The following ATP2C2 variants were observed in gnomAD, a reference collection of about 807,000 sequenced individuals.
ATP2C2 encodes the protein ATPase secretory pathway Ca2+ transporting 2.
Under a neutral mutation model 110.8 loss-of-function variants are expected in ATP2C2, and 171 were observed. The observed-to-expected ratio is 1.54, with a 90% CI of 1.36 to 1.75. The LOEUF is 1.75. ATP2C2 is among the 40% of genes most tolerant of loss of function. The pLI is 0.00. For missense variants in ATP2C2, 1,963 were observed against 1,235.0 expected (o/e 1.59, Z -8.84); for synonymous variants, 804 against 508.4 (o/e 1.58, Z -7.82).
rs370709927 is a variant in ATP2C2 at position 84,439,162 on chromosome 16, C to G, written c.987-4C>G. ...GAGGGGACTCATTTGACCTTTCGAT[C>G]CAGCCTGGCTGTGGCGGCCATTCCA... On this transcript the variant is annotated splice_region_variant and splice_polypyrimidine_tract_variant and intron_variant, in intron 11 of 26. Coordinates refer to ENST00000262429, the MANE Select transcript of ATP2C2 (RefSeq NM_014861.4). 6 of 1,612,044 alleles carry G rather than the reference C, an allele frequency of 3.7e-6. No individual in the cohort carries two copies. The highest frequency in any genetic ancestry group is 3.3e-5 in the South Asian group (3 of 90,968).
chr16:84,433,096 T>C (rs1399684886), intron 11 of ATP2C2, among the ~76,000 whole-genome samples: 2 of 152,060 alleles, frequency 1.3e-5, no homozygotes, highest in African/African-American at 4.8e-5. Flanking sequence ...CTTCCCCAAG[T>C]AGGCTGGGCA....
intron 20 of ATP2C2, 66 bp from the exon 21 acceptor site, chr16:84,454,752 G>A (rs1331219322): frequency 1.4e-6 from 2 of 1,480,914 alleles, no homozygotes; most frequent in East Asian, 2.4e-5. Context: ...GCCACAGGGT[G>A]TGCATGGCCG....
At chr16:84,439,903 C>G (rs74897177) in intron 13 of ATP2C2, among the ~76,000 whole-genome samples, 4 of 152,198 alleles carry the variant, frequency 2.6e-5, no homozygotes, top group Non-Finnish European at 4.4e-5. Flanking sequence ...TGGCTGATCT[C>G]TGCTCACTGT....
At chr16:84,376,862 T>C (rs1053010974) in intron 1 of ATP2C2, among the ~76,000 whole-genome samples, 1 of 152,216 alleles carries the variant, frequency 6.6e-6, no homozygotes, top group African/African-American at 2.4e-5. Context: ...CTCTGTGCAA[T>C]TGCACTGGCC....
chr16:84,448,434 C>G (rs1909956849), intron 16 of ATP2C2, 99 bp from the exon 17 acceptor site: 14 of 1,401,372 alleles, frequency 1.0e-5, no homozygotes, highest in Non-Finnish European at 9.7e-7. Context: ...TGCAAAGATC[C>G]CCGTGTGTGT....
intron 15 of ATP2C2, among the ~76,000 whole-genome samples, chr16:84,443,361 G>A (rs944321598): frequency 1.3e-5 from 2 of 152,162 alleles, no homozygotes; most frequent in Non-Finnish European, 2.9e-5. Flanking sequence ...CCTGGACACT[G>A]TGGGAGCTCC....
intron 15 of ATP2C2, among the ~76,000 whole-genome samples, chr16:84,443,518 C>G (rs1275072159): frequency 6.6e-6 from 1 of 152,214 alleles, no homozygotes; most frequent in Non-Finnish European, 1.5e-5. Flanking sequence ...CGAGCCTGGC[C>G]CCTGCACTCA....
chr16:84,442,500 C>G lies in ATP2C2; in HGVS notation c.1312-10C>G, dbSNP rs1014919852. On this transcript the variant is annotated splice_polypyrimidine_tract_variant and intron_variant, in intron 14 of 26. Coordinates refer to ENST00000262429, the MANE Select transcript of ATP2C2 (RefSeq NM_014861.4). ...TACTAACTACAGATGTCCGGACAAT[C>G]CCCTTTTAGGCGGGCTGTGTTGCCA... 6.2e-7 allele frequency: 1 copy of G among 1,613,824 alleles called. No individual in the cohort carries two copies. The highest frequency in any genetic ancestry group is 8.5e-7 in the Non-Finnish European group (1 of 1,179,766).
intron 6 of ATP2C2, 149 bp downstream of exon 6, chr16:84,410,914 C>A: frequency 1.3e-6 from 1 of 744,682 alleles, no homozygotes. Flanking sequence ...TGGTCTCCGC[C>A]TGCCAATAGG....
chr16:84,420,661 A>C (rs11647343), intron 7 of ATP2C2, among the ~76,000 whole-genome samples: 42,770 of 151,632 alleles, frequency 0.28, 6,443 homozygotes, highest in Non-Finnish European at 0.34. Flanking sequence ...TGAGTCTGTG[A>C]CACTTTCAGA....
In ATP2C2 at chr16:84,448,089, T is replaced by C. The variant is rs767585011; in HGVS notation, c.1504-444T>C. Among the ~76,000 whole-genome samples, 11 of 152,166 alleles carry C rather than the reference T, an allele frequency of 7.2e-5. No individual in the cohort carries two copies. In the South Asian group the frequency reaches 1.9e-3, roughly 26 times the overall value. ...AAACACAGGAAAAATGATCAGCTAC[T>C]CATGTGGCTTCACTATTACAAGCCA... is the stretch of plus-strand genomic sequence containing the variant. On this transcript the variant is annotated intron_variant, in intron 16 of 26. Transcript: ENST00000262429.
chr16:84,423,767 C>G (rs1907561566), intron 10 of ATP2C2, among the ~76,000 whole-genome samples: 1 of 152,194 alleles, frequency 6.6e-6, no homozygotes, highest in South Asian at 2.1e-4. Flanking sequence ...GTCACATGGC[C>G]TACATAACTG....
At position 84,446,362 on chromosome 16, in the gene ATP2C2, A is replaced by G. The variant is rs766519223; in HGVS notation, c.1435A>G (p.Arg479Gly). 3.1e-6 allele frequency: 5 copies of G among 1,599,946 alleles called. No homozygotes were observed. The highest frequency in any genetic ancestry group is 3.4e-6 in the Non-Finnish European group (4 of 1,175,212). ...DLSDIKNSYI[R>G]KKEIPFSSEQ... ...AAGTGATATTAAAAATTCATATATAAGAAAAAAAGAGATTCCATTCAGTTC... is the reference window on the plus strand; with the variant it reads ...AAGTGATATTAAAAATTCATATATAGGAAAAAAAGAGATTCCATTCAGTTC... Residue 479 changes from arginine to glycine, a missense_variant, in exon 16 of 27, where the codon AGA becomes GGA. Arg to Gly is a moderately radical substitution (Grantham distance 125). Coordinates refer to ENST00000262429, the MANE Select transcript of ATP2C2 (RefSeq NM_014861.4).
In ATP2C2 at chr16:84,405,297, G is replaced by T. The variant is rs961634896; in HGVS notation, c.327+53G>T. On this transcript the variant is annotated intron_variant, in intron 3 of 26. Coordinates refer to ENST00000262429, the MANE Select transcript of ATP2C2 (RefSeq NM_014861.4). ...TTAACATGCATAAGCCAGCGAGGGT[G>T]GGGCAGCCATTCCATCTTTCAATGT... 15 of 1,467,414 alleles carry T rather than the reference G, an allele frequency of 1.0e-5. No individual in the cohort carries two copies. The African/African-American group carries it at 2.0e-4, about 19-fold the overall frequency. The allele number at this position is 1,467,414 out of a possible 1,614,324, so 90.9% of individuals were successfully genotyped here.
intron 16 of ATP2C2, 85 bp from the exon 17 acceptor site, chr16:84,448,448 T>G: frequency 4.1e-6 from 6 of 1,469,502 alleles, no homozygotes; most frequent in Non-Finnish European, 5.5e-6. Flanking sequence ...TGTGTGTCTT[T>G]GTAACCTTGT....
chr16:84,413,422 C>G (rs1475209606), intron 6 of ATP2C2, among the ~76,000 whole-genome samples: 3 of 152,004 alleles, frequency 2.0e-5, no homozygotes, highest in Non-Finnish European at 2.9e-5. Context: ...CAGAATTGAC[C>G]CACATCACAG....
intron 1 of ATP2C2, among the ~76,000 whole-genome samples, chr16:84,384,894 A>C (rs978417370): frequency 1.3e-5 from 2 of 152,198 alleles, no homozygotes; most frequent in African/African-American, 4.8e-5. Flanking sequence ...TAATAAAAAT[A>C]CAAAATTAGC....
chr16:84,370,799 A>G (rs557593302), intron 1 of ATP2C2, among the ~76,000 whole-genome samples: 1 of 151,906 alleles, frequency 6.6e-6, no homozygotes, highest in East Asian at 1.9e-4. Context: ...GGAGGCCTCT[A>G]AGCCCTCCCC....
At position 84,459,253 on chromosome 16, in the gene ATP2C2, C is replaced by A. The variant is rs757037846; in HGVS notation, c.2217-17C>A. Reference sequence around the variant, plus strand: ...CGCCTGGCGGGCGGCCGCTGACTGGCTGCGTGTGCCCCGCAGGAGCATCTC... The same window carrying A: ...CGCCTGGCGGGCGGCCGCTGACTGGATGCGTGTGCCCCGCAGGAGCATCTC... On this transcript the variant is annotated splice_polypyrimidine_tract_variant and intron_variant, in intron 22 of 26. Coordinates refer to ENST00000262429, the MANE Select transcript of ATP2C2 (RefSeq NM_014861.4). 1.2e-5 allele frequency: 20 copies of A among 1,613,992 alleles called. No individual in the cohort carries two copies. The Admixed American group carries it at 3.3e-4, about 27-fold the overall frequency.
Sources: gnomAD v4.1 joint callset for allele counts (sites outside exome capture counted in the v4.1 genomes callset) on GRCh38, gnomAD v4.1.1 for gene constraint, MANE v1.5 for transcripts, NCBI Gene and HGNC (gene_info 2026-07-23, HGNC 2026-07-21) for gene names.